The following FAM53B variants were observed in gnomAD, a reference collection of about 807,000 sequenced individuals.
FAM53B encodes the protein family with sequence similarity 53 member B.
Under a neutral mutation model 32.7 loss-of-function variants are expected in FAM53B, and 12 were observed. The observed-to-expected ratio is 0.37, with a 90% confidence interval of 0.24 to 0.59. The LOEUF (loss-of-function observed/expected upper bound fraction) is 0.59. Among genes scored for constraint, FAM53B ranks in the 20% least tolerant of loss-of-function variants. The probability of loss-of-function intolerance (pLI) is 0.72; values close to 1 mark genes in which losing one functional copy is unlikely to be tolerated. For synonymous variants in FAM53B, 234 were observed against 228.7 expected, an observed-to-expected ratio of 1.02 and a Z score of -0.21; for missense variants, 477 against 577.7, an observed-to-expected ratio of 0.83 and a Z score of 1.79.
chr10:124,659,333 A>T (rs1481960213), intron 4 of FAM53B, among the ~76,000 whole-genome samples: 1 of 152,252 alleles, frequency 6.6e-6, no homozygotes, highest in Non-Finnish European at 1.5e-5. Context: ...GAGAGATACA[A>T]CTGATCAGCA....
intron 2 of FAM53B, among the ~76,000 whole-genome samples, chr10:124,697,369 G>T (rs902988807): frequency 6.6e-6 from 1 of 152,160 alleles, no homozygotes; most frequent in Admixed American, 6.5e-5. Flanking sequence ...AAGTGGACAA[G>T]GGCCCAGGTT....
At chr10:124,624,744 C>T (rs1443216442) in intron 4 of FAM53B, among the ~76,000 whole-genome samples, 2 of 139,050 alleles carry the variant, frequency 1.4e-5, no homozygotes, top group Non-Finnish European at 3.4e-5. Context: ...ACACTGTGCA[C>T]AAGTGGGTGC....
intron 4 of FAM53B, among the ~76,000 whole-genome samples, chr10:124,677,042 T>G (rs1259761126): frequency 6.6e-6 from 1 of 152,190 alleles, no homozygotes; most frequent in East Asian, 1.9e-4. Context: ...GTACAATTTG[T>G]TGCTCTTTCA....
In FAM53B at chr10:124,619,490, AG is replaced by A. The variant is rs1949289999; in HGVS notation, c.*3751del. The A allele has an allele frequency of 6.6e-6, 1 of 152,330 alleles. No individual in the cohort carries two copies. Among genetic ancestry groups the A allele is most frequent in the African/African-American group, 2.4e-5 (1 of 41,382 alleles). The allele number at this position is 152,330 out of a possible 1,614,324, so 9.4% of individuals were successfully genotyped here. ...CGGCAACACCCACAACATCCAGCTCAGGGAAGCCCCTGCAGCCCCAGAAACA... is the reference window on the plus strand; with the variant it reads ...CGGCAACACCCACAACATCCAGCTCAGGAAGCCCCTGCAGCCCCAGAAACA... On this transcript the variant is annotated 3_prime_UTR_variant, in exon 5 of 5. Coordinates refer to ENST00000337318, the MANE Select transcript of FAM53B (RefSeq NM_014661.4).
intron 1 of FAM53B, among the ~76,000 whole-genome samples, chr10:124,717,884 T>C (rs1362977689): frequency 6.6e-6 from 1 of 152,190 alleles, no homozygotes. Context: ...AAAATGTTTA[T>C]GAGCTCTCGG....
rs1187440567 is a variant in FAM53B at position 124,735,331 on chromosome 10, G to A, written c.-175+8682C>T. 2.6e-5 allele frequency among the ~76,000 whole-genome samples: 4 copies of A among 152,236 alleles called. No homozygotes were observed. In the South Asian group the frequency reaches 6.2e-4, roughly 24 times the overall value. ...ATCATGACCCATACATGCATTTAACGTTCTATGCTTAGGAGCAAAAGTAAA... is the reference window on the plus strand; with the variant it reads ...ATCATGACCCATACATGCATTTAACATTCTATGCTTAGGAGCAAAAGTAAA... On this transcript the variant is annotated intron_variant, in intron 1 of 4. Coordinates refer to ENST00000337318, the MANE Select transcript of FAM53B (RefSeq NM_014661.4).
intron 1 of FAM53B, among the ~76,000 whole-genome samples, 175 bp from the exon 2 acceptor site, chr10:124,707,062 C>T (rs912224300): frequency 1.3e-5 from 2 of 152,162 alleles, no homozygotes; most frequent in Non-Finnish European, 2.9e-5. Flanking sequence ...AGTCCCCCCG[C>T]CCACCCCTGC....
intron 1 of FAM53B, among the ~76,000 whole-genome samples, chr10:124,730,862 T>G (rs1281787126): frequency 6.6e-6 from 1 of 152,218 alleles, no homozygotes; most frequent in Non-Finnish European, 1.5e-5. Flanking sequence ...TTTTTTTTTC[T>G]GTAAAGGGCC....
intron 4 of FAM53B, among the ~76,000 whole-genome samples, chr10:124,636,323 G>C (rs999057482): frequency 1.2e-4 from 18 of 151,826 alleles, no homozygotes; most frequent in African/African-American, 3.9e-4. Flanking sequence ...CAAAATCTGT[G>C]GACAAAAAAC....
chr10:124,638,772 G>C (rs1949451047), intron 4 of FAM53B, among the ~76,000 whole-genome samples: 2 of 152,236 alleles, frequency 1.3e-5, no homozygotes, highest in African/African-American at 2.4e-5. Context: ...GACCAGCAAG[G>C]CTTGGCCAGC....
intron 4 of FAM53B, among the ~76,000 whole-genome samples, chr10:124,665,166 C>G (rs770494198): frequency 2.6e-5 from 4 of 152,256 alleles, no homozygotes; most frequent in Non-Finnish European, 5.9e-5. Context: ...GTGCTCTGCA[C>G]AGTTCCACAG....
chr10:124,689,686 C>G (rs943457857), intron 3 of FAM53B, among the ~76,000 whole-genome samples: 8 of 152,256 alleles, frequency 5.3e-5, no homozygotes, highest in African/African-American at 1.2e-4. Context: ...GGGTTCAGAG[C>G]CATTACCAGG....
At chr10:124,700,528 G>A (rs1011143275) in intron 2 of FAM53B, among the ~76,000 whole-genome samples, 4 of 152,156 alleles carry the variant, frequency 2.6e-5, no homozygotes, top group South Asian at 4.2e-4. Flanking sequence ...CTGTTCCCGA[G>A]CCCACGCCGG....
chr10:124,657,096 A>ATGTGTATATGTGTGTG (rs1949595446), intron 4 of FAM53B, among the ~76,000 whole-genome samples: 5 of 117,276 alleles, frequency 4.3e-5, no homozygotes, highest in African/African-American at 1.4e-4. Context: ...GTGTATATAT[A>ATGTGTATATGTGTGTG]TGTGTATATA....
chr10:124,649,748 A>T (rs1949544133), intron 4 of FAM53B, among the ~76,000 whole-genome samples: 1 of 152,224 alleles, frequency 6.6e-6, no homozygotes, highest in East Asian at 1.9e-4. Flanking sequence ...CACACTGGGA[A>T]GTGTGCACTT....
chr10:124,626,087 A>G (rs181157002), intron 4 of FAM53B, among the ~76,000 whole-genome samples: 88 of 152,346 alleles, frequency 5.8e-4, no homozygotes, highest in African/African-American at 2.0e-3. Context: ...ATCTGTTGAG[A>G]TGCGTGTGCC....
At chr10:124,669,394 C>A (rs7086834) in intron 4 of FAM53B, among the ~76,000 whole-genome samples, 118,715 of 152,126 alleles carry the variant, frequency 0.78, 47,967 homozygotes, top group Non-Finnish European at 0.88. Flanking sequence ...GAGCCTCTCT[C>A]TGAGCCCCGT....
chr10:124,709,146 G>A (rs533281393), intron 1 of FAM53B, among the ~76,000 whole-genome samples: 3 of 152,368 alleles, frequency 2.0e-5, no homozygotes, highest in East Asian at 3.9e-4. Flanking sequence ...ACGCCCAAGC[G>A]GCCATCCTCT....
intron 2 of FAM53B, chr10:124,705,658 T>G (rs927856945): frequency 1.3e-5 from 2 of 152,062 alleles, no homozygotes; most frequent in African/African-American, 4.8e-5. Context: ...TTCCCTGAAC[T>G]CCTCCAGCCT....
Sources: allele counts gnomAD v4.1 joint callset (sites outside exome capture counted in the v4.1 genomes callset), GRCh38; gene constraint gnomAD v4.1.1; transcripts MANE v1.5; gene names NCBI Gene and HGNC (gene_info 2026-07-23, HGNC 2026-07-21).